SPTBN1: variants seen among roughly 807,000 people sequenced by gnomAD.
SPTBN1 encodes the protein spectrin beta chain, non-erythrocytic 1.
In SPTBN1, 32 loss-of-function variants were observed where a neutral mutation model predicts 266.4. The observed-to-expected ratio is 0.12, with a 90% CI of 0.09 to 0.16. SPTBN1 has a LOEUF of 0.16. SPTBN1 is among the 10% of genes least tolerant of loss of function. The pLI is 1.00. For synonymous variants in SPTBN1, 1,336 were observed against 1,162.2 expected, an observed-to-expected ratio of 1.15 and a Z score of -3.04; for missense variants, 2,296 against 3,067.1, an observed-to-expected ratio of 0.75 and a Z score of 5.94.
chr2:54,506,621 G>A (rs1669570559), intron 1 of SPTBN1, among the ~76,000 whole-genome samples: 1 of 133,420 alleles, frequency 7.5e-6, no homozygotes, highest in Admixed American at 7.8e-5. Flanking sequence ...AAACATTTGT[G>A]TATTGTTGTC....
intron 1 of SPTBN1, among the ~76,000 whole-genome samples, chr2:54,505,900 G>T (rs1208405187): frequency 1.3e-5 from 2 of 151,962 alleles, no homozygotes; most frequent in African/African-American, 4.8e-5. Flanking sequence ...TGAGGCGGGC[G>T]GATCTCGAGG....
intron 33 of SPTBN1, 127 bp from the exon 34 acceptor site, chr2:54,665,788 T>G: frequency 1.8e-6 from 2 of 1,101,950 alleles, no homozygotes; most frequent in Non-Finnish European, 1.3e-6. Flanking sequence ...ATAAGGAAGG[T>G]TGAGGGTTGG....
At chr2:54,580,966 C>T (rs1432938518) in intron 2 of SPTBN1, among the ~76,000 whole-genome samples, 1 of 151,882 alleles carries the variant, frequency 6.6e-6, no homozygotes, top group African/African-American at 2.4e-5. Flanking sequence ...TGCATAGTGG[C>T]ACACACGTGT....
At chr2:54,637,877 C>G in intron 18 of SPTBN1, 74 bp downstream of exon 18, 1 of 1,244,416 alleles carries the variant, frequency 8.0e-7, no homozygotes. Context: ...AGCACAAGAG[C>G]CTTTTGAATT....
At chr2:54,458,639 A>G (rs1319283614) in intron 1 of SPTBN1, among the ~76,000 whole-genome samples, 3 of 152,128 alleles carry the variant, frequency 2.0e-5, no homozygotes, top group African/African-American at 7.2e-5. Flanking sequence ...TCAGAAGGAG[A>G]TGGTTCCCAG....
chr2:54,645,809 G>T lies in SPTBN1; in HGVS notation c.4495-119G>T. ...GTGCTTCCCCAGACAGCCCTCCCGA[G>T]GGGGCTGAGCACTCTCTGAAGCTCA... On this transcript the variant is annotated intron_variant, in intron 21 of 35. Coordinates refer to ENST00000356805, the MANE Select transcript of SPTBN1 (RefSeq NM_003128.3). This position sits in a 1 kb window ranked among gnomAD's most constrained non-coding sequence, Gnocchi z 4.3. The T allele has an allele frequency of 9.1e-7, 1 of 1,103,792 alleles. No homozygotes were observed. The highest frequency in any genetic ancestry group is 1.4e-5 in the South Asian group (1 of 71,200). 68.4% of individuals were successfully genotyped at this position (1,103,792 alleles called of 1,614,324 possible). A position where few individuals can be genotyped will look rare whatever the true frequency, so the allele number is the denominator to read the frequency against.
intron 3 of SPTBN1, among the ~76,000 whole-genome samples, chr2:54,608,628 G>A (rs886830829): frequency 3.3e-5 from 5 of 152,128 alleles, no homozygotes; most frequent in African/African-American, 7.2e-5. Flanking sequence ...CCAGATGGGC[G>A]AGGGCATGAG....
chr2:54,551,890 A>T (rs1371014530), intron 2 of SPTBN1, among the ~76,000 whole-genome samples: 1 of 152,212 alleles, frequency 6.6e-6, no homozygotes, highest in Non-Finnish European at 1.5e-5. Context: ...CCTCAAATAA[A>T]CATTGGCTTT....
At chr2:54,594,848 T>TTTTTTTTTA (rs1675955961) in intron 2 of SPTBN1, among the ~76,000 whole-genome samples, 1 of 147,566 alleles carries the variant, frequency 6.8e-6, no homozygotes, top group African/African-American at 2.6e-5. Flanking sequence ...TTTTTTTTTT[T>TTTTTTTTTA]TTTGAGACAG....
rs1340599799 is a variant in SPTBN1, at chr2:54,486,206, C to T, written c.-48+29688C>T. ...GGAGCCCCTCTGCCCGGCCACCACC[C>T]TGTCTGGGAGGTGTACCCAACAGCT... On this transcript the variant is annotated intron_variant, in intron 1 of 35. Transcript: ENST00000356805. Among the ~76,000 whole-genome samples, 11 of 152,206 alleles carry T rather than the reference C, an allele frequency of 7.2e-5. No individual in the cohort carries two copies. The East Asian group carries it at 1.9e-3, about 27-fold the overall frequency.
chr2:54,575,252 G>C (rs1674381096), intron 2 of SPTBN1, among the ~76,000 whole-genome samples: 1 of 152,190 alleles, frequency 6.6e-6, no homozygotes, highest in African/African-American at 2.4e-5. Context: ...ACCTAACCTA[G>C]CAATACAATA....
chr2:54,593,525 C>G (rs529929765), intron 2 of SPTBN1, among the ~76,000 whole-genome samples: 1 of 152,262 alleles, frequency 6.6e-6, no homozygotes, highest in Admixed American at 6.5e-5. Flanking sequence ...AGGTGGGGTC[C>G]TCAGGTGTGA....
intron 1 of SPTBN1, among the ~76,000 whole-genome samples, chr2:54,495,768 A>G (rs1232199206): frequency 6.7e-6 from 1 of 148,160 alleles, no homozygotes; most frequent in African/African-American, 2.4e-5. Flanking sequence ...TCTACATATT[A>G]TATGTATGGT....
chr2:54,499,838 C>T (rs1346639726), intron 1 of SPTBN1, among the ~76,000 whole-genome samples: 1 of 152,186 alleles, frequency 6.6e-6, no homozygotes, highest in East Asian at 1.9e-4. Flanking sequence ...AATAATAAAA[C>T]CCTGGATGTC....
intron 17 of SPTBN1, among the ~76,000 whole-genome samples, chr2:54,635,058 C>T (rs988453088): frequency 2.0e-5 from 3 of 152,224 alleles, no homozygotes; most frequent in African/African-American, 7.2e-5. Flanking sequence ...ACTCAGGCAC[C>T]TGGGGTTCTT....
intron 1 of SPTBN1, among the ~76,000 whole-genome samples, chr2:54,522,652 G>GAGAGAA (rs146655498): frequency 0.26 from 20,543 of 79,560 alleles, 2,423 homozygotes; most frequent in African/African-American, 0.41. Flanking sequence ...AAGAAAGAGA[G>GAGAGAA]AGAGAAAGAG....
In SPTBN1 at chr2:54,629,796, C is replaced by G; in HGVS notation, c.2662C>G (p.Gln888Glu). ...PEKLEDLEVI[Q>E]HRFESLEPEM... ...GAAGCTGGAGGATCTGGAGGTCATC[C>G]AGCACAGGTGAGCGGGGCGCTGGTC... The change falls in exon 14 of 36, where the codon CAG (glutamine) becomes GAG (glutamate). Residue 888 changes from glutamine to glutamate, a missense_variant. Gln to Glu is a conservative substitution (Grantham distance 29). Transcript: ENST00000356805. 6.2e-7 allele frequency: 1 copy of G among 1,609,864 alleles called. No homozygotes were observed. Among genetic ancestry groups the G allele is most frequent in the Non-Finnish European group, 8.5e-7 (1 of 1,178,880 alleles).
intron 1 of SPTBN1, among the ~76,000 whole-genome samples, chr2:54,522,132 G>A (rs1670480040): frequency 6.6e-6 from 1 of 152,040 alleles, no homozygotes; most frequent in Middle Eastern, 3.4e-3. Context: ...TAACGCCTGG[G>A]CTCAAGTGAT....
Position 54,646,196 on chromosome 2 carries a change from C to T in SPTBN1, c.4587C>T (p.Thr1529=). 1.9e-6 allele frequency: 3 copies of T among 1,609,064 alleles called. No individual in the cohort carries two copies. The highest frequency in any genetic ancestry group is 2.5e-6 in the Non-Finnish European group (3 of 1,177,070). The change falls in exon 23 of 36, where the codon ACC becomes ACT. Residue 1529 remains threonine, a splice_region_variant and synonymous_variant. Coordinates refer to ENST00000356805, the MANE Select transcript of SPTBN1 (RefSeq NM_003128.3). This position sits in a 1 kb window ranked among gnomAD's most constrained non-coding sequence, Gnocchi z 4.4. ...TVQLLIKKNQ[T]LQKEIQGHQP... is the part of the protein sequence containing the mutation. ...TGTGTATTTTCCGCTCCCTCCAGAC[C>T]CTCCAGAAAGAAATCCAGGGGCACC...
Sources: gnomAD v4.1 joint callset for allele counts (sites outside exome capture counted in the v4.1 genomes callset) on GRCh38, gnomAD v4.1.1 for gene constraint, Gnocchi (gnomAD v3.1) non-coding constraint, MANE v1.5 for transcripts, NCBI Gene and HGNC (gene_info 2026-07-23, HGNC 2026-07-21) for gene names.